BBS5: variants seen among roughly 807,000 people sequenced by gnomAD.
BBS5 encodes the protein Bardet-Biedl syndrome 5, also known as BBSome complex member BBS5.
BBS5 carries 39 observed loss-of-function variants against 50.2 expected under a neutral mutation model. That is an observed-to-expected ratio of 0.78 (90% CI 0.60 to 1.01). The LOEUF (loss-of-function observed/expected upper bound fraction) is 1.01, where lower values mean the gene tolerates loss of function less well. Ranked by LOEUF, BBS5 falls within the 50% of genes least tolerant of loss-of-function variation. The pLI is 0.00. For missense variants in BBS5, 356 were observed against 401.5 expected (o/e 0.89, Z 0.97); for synonymous variants, 134 against 133.1 (o/e 1.01, Z -0.05).
At chr2:169,489,630 C>T (rs1483832902) in intron 5 of BBS5, among the ~76,000 whole-genome samples, 1 of 150,650 alleles carries the variant, frequency 6.6e-6, no homozygotes, top group East Asian at 2.0e-4. Flanking sequence ...ATTTTTTCTT[C>T]TTGTTGTTTA....
rs111616190 is a variant in BBS5 at position 169,504,798 on chromosome 2, G to A, written c.*216G>A. 26 of 1,540,102 alleles carry A rather than the reference G, an allele frequency of 1.7e-5. No individual in the cohort carries two copies. The highest frequency in any genetic ancestry group is 1.5e-4 in the African/African-American group (11 of 72,794). On this transcript the variant is annotated 3_prime_UTR_variant, in exon 12 of 12. Transcript: ENST00000295240. ...GCCAGCGACACATGGCCTAGTAACC[G>A]TCCGGCCGCGGCGCTGGCTTAAGCC...
At chr2:169,484,585 C>T (rs979481852) in intron 2 of BBS5, among the ~76,000 whole-genome samples, 2 of 152,246 alleles carry the variant, frequency 1.3e-5, no homozygotes, top group South Asian at 2.1e-4. Context: ...TTCAAGAGCC[C>T]CTTATGTTAA....
At chr2:169,489,851 CTTTTTTTTT>C (rs71003093) in intron 5 of BBS5, among the ~76,000 whole-genome samples, 65 of 65,696 alleles carry the variant, frequency 9.9e-4, no homozygotes, top group Non-Finnish European at 1.3e-3. Flanking sequence ...CATAAATTTC[CTTTTTTTTT>C]TTTTTTTTTT....
chr2:169,479,662 C>T, intron 1 of BBS5, 50 bp downstream of exon 1: 1 of 1,605,460 alleles, frequency 6.2e-7, no homozygotes, highest in African/African-American at 1.3e-5. Context: ...GAGGGCGCCG[C>T]CGTGCGCGTT....
At chr2:169,492,421 C>A (rs567549001) in intron 5 of BBS5, among the ~76,000 whole-genome samples, 3 of 148,592 alleles carry the variant, frequency 2.0e-5, no homozygotes, top group African/African-American at 7.5e-5. Flanking sequence ...ACCTGGGAGG[C>A]AGAGGTTGCA....
intron 9 of BBS5, 139 bp from the exon 10 acceptor site, chr2:169,502,955 GT>G: frequency 1.4e-6 from 1 of 711,490 alleles, no homozygotes; most frequent in Non-Finnish European, 2.4e-6. Flanking sequence ...TTACTTGTTA[GT>G]TTTTTAATAA....
At chr2:169,488,973 G>T (rs1397102484) in intron 5 of BBS5, among the ~76,000 whole-genome samples, 1 of 152,012 alleles carries the variant, frequency 6.6e-6, no homozygotes, top group East Asian at 1.9e-4. Context: ...GTTTGTTTTA[G>T]GTTTGTGGCC....
intron 9 of BBS5, among the ~76,000 whole-genome samples, 173 bp downstream of exon 9, chr2:169,499,793 C>A (rs1304043428): frequency 2.0e-5 from 3 of 152,224 alleles, no homozygotes; most frequent in Non-Finnish European, 4.4e-5. Context: ...GTACCTACCA[C>A]CTGTCTTCTA....
At chr2:169,499,024 A>T (rs1189275581) in intron 8 of BBS5, 1 of 168,102 alleles carries the variant, frequency 5.9e-6, no homozygotes, top group Non-Finnish European at 1.3e-5. Context: ...TCAAGGAGAT[A>T]GCCTCAGATG....
rs756549663 is a variant in BBS5, at chr2:169,479,529, G to C, written c.-25G>C. The C allele has an allele frequency of 5.6e-6, 9 of 1,614,084 alleles. No individual in the cohort carries two copies. Among genetic ancestry groups the C allele is most frequent in the Non-Finnish European group, 5.9e-6 (7 of 1,179,916 alleles). On this transcript the variant is annotated 5_prime_UTR_variant, in exon 1 of 12. Coordinates refer to ENST00000295240, the MANE Select transcript of BBS5 (RefSeq NM_152384.3). ...AGCTAGGCCTGCACGGCTGTGGAGAGATCCTGCCACGGGCCTTGTTCACCA... is the reference window on the plus strand; with the variant it reads ...AGCTAGGCCTGCACGGCTGTGGAGACATCCTGCCACGGGCCTTGTTCACCA...
At chr2:169,502,583 AC>A (rs1372354740) in intron 9 of BBS5, among the ~76,000 whole-genome samples, 2 of 152,302 alleles carry the variant, frequency 1.3e-5, no homozygotes, top group Non-Finnish European at 2.9e-5. Context: ...GGATTTTATA[AC>A]CCTTGGTACT....
intron 6 of BBS5, among the ~76,000 whole-genome samples, chr2:169,493,529 TG>T (rs1683639833): frequency 6.6e-6 from 1 of 152,190 alleles, no homozygotes; most frequent in Non-Finnish European, 1.5e-5. Flanking sequence ...GTCAGACAGT[TG>T]GTAGGTACTA....
rs770721210 is a variant in BBS5, at chr2:169,503,068, T to C, written c.817-27T>C. ...ATGGTACATTTAATATTGTCTCTGA[T>C]GCATTTTAACATCTGCTGATTTTCA... On this transcript the variant is annotated intron_variant, in intron 9 of 11. Transcript: ENST00000295240. 13 of 1,546,882 alleles carry C rather than the reference T, an allele frequency of 8.4e-6. No individual in the cohort carries two copies. In the Admixed American group the frequency reaches 1.3e-4, roughly 16 times the overall value.
At chr2:169,481,406 A>G (rs754241323) in intron 1 of BBS5, among the ~76,000 whole-genome samples, 9 of 152,342 alleles carry the variant, frequency 5.9e-5, no homozygotes, top group Non-Finnish European at 1.2e-4. Flanking sequence ...AGCTAAAGGC[A>G]GGGTCTGCTG....
intron 5 of BBS5, among the ~76,000 whole-genome samples, chr2:169,489,147 A>G (rs1683540090): frequency 6.6e-6 from 1 of 152,032 alleles, no homozygotes. Context: ...GCGCACCACC[A>G]TGTCCTGCTA....
intron 8 of BBS5, among the ~76,000 whole-genome samples, chr2:169,498,773 C>G (rs1276252764): frequency 1.3e-5 from 2 of 148,590 alleles, no homozygotes; most frequent in Admixed American, 1.3e-4. Context: ...CGCCGCTGCA[C>G]TCCAGCCTGG....
At chr2:169,485,813 A>G (rs1052676675) in intron 2 of BBS5, among the ~76,000 whole-genome samples, 8 of 152,124 alleles carry the variant, frequency 5.3e-5, no homozygotes, top group African/African-American at 9.7e-5. Flanking sequence ...CAGGAGTTTG[A>G]GGTCTGGGTA....
At chr2:169,485,996 T>A (rs1214149697) in intron 2 of BBS5, among the ~76,000 whole-genome samples, 1 of 152,244 alleles carries the variant, frequency 6.6e-6, no homozygotes, top group Non-Finnish European at 1.5e-5. Context: ...GTTGGACCAA[T>A]GACTGAAGGA....
chr2:169,497,809 A>T (rs1683723463), intron 8 of BBS5, 120 bp downstream of exon 8: 1 of 698,988 alleles, frequency 1.4e-6, no homozygotes, highest in Admixed American at 2.4e-5. Context: ...CTTTAATATG[A>T]AGTTATATAT....
Sources: allele counts gnomAD v4.1 joint callset (sites outside exome capture counted in the v4.1 genomes callset), GRCh38; gene constraint gnomAD v4.1.1; transcripts MANE v1.5; gene names NCBI Gene and HGNC (gene_info 2026-07-23, HGNC 2026-07-21).